The following WLS variants were observed in gnomAD, a reference collection of about 807,000 sequenced individuals.
The protein encoded by WLS is Wnt ligand secretion mediator.
Under a neutral mutation model 62.8 loss-of-function variants are expected in WLS, and 23 were observed. The ratio of observed to expected loss-of-function variants is 0.37; its 90% CI spans 0.26 to 0.52. The LOEUF (loss-of-function observed/expected upper bound fraction) is 0.52. WLS is among the 20% of genes least tolerant of loss of function. The pLI is 0.92. For synonymous variants in WLS, 246 were observed against 244.1 expected (o/e 1.01, Z -0.07); for missense variants, 615 against 697.3 (o/e 0.88, Z 1.33).
chr1:68,140,307 G>T (rs1646667590), intron 10 of WLS, among the ~76,000 whole-genome samples: 1 of 152,160 alleles, frequency 6.6e-6, no homozygotes, highest in South Asian at 2.1e-4. Context: ...AACAGGGGTT[G>T]ATCTCTGAAG....
chr1:68,166,379 C>T (rs984385763), intron 2 of WLS, among the ~76,000 whole-genome samples: 1 of 152,222 alleles, frequency 6.6e-6, no homozygotes, highest in Non-Finnish European at 1.5e-5. Context: ...CAACAGCTCT[C>T]CTTCATCAGA....
intron 10 of WLS, among the ~76,000 whole-genome samples, chr1:68,140,914 G>A (rs1009478882): frequency 4.6e-5 from 7 of 152,226 alleles, no homozygotes; most frequent in East Asian, 1.9e-4. Flanking sequence ...ATGCCAAGGC[G>A]GAGGTAACAG....
chr1:68,192,767 TTAAA>T lies in WLS; in HGVS notation c.379+1184_379+1187del, dbSNP rs377573640. Among the ~76,000 whole-genome samples the T allele has an allele frequency of 6.1e-4, 66 of 107,806 alleles. 1 individual carries two copies. Among genetic ancestry groups the T allele is most frequent in the Middle Eastern group, 4.8e-3 (1 of 208 alleles). The allele number at this position is 107,806 out of a possible 152,430, so 70.7% of individuals were successfully genotyped here. On this transcript the variant is annotated intron_variant, in intron 2 of 11. Coordinates refer to ENST00000262348, the MANE Select transcript of WLS (RefSeq NM_024911.7). ...TGGGGAACATAGGAGACTCTGTCTCTTAAAAAAAAAAAAAAAAAAACAGAAGAAG... is the reference window on the plus strand; with the variant it reads ...TGGGGAACATAGGAGACTCTGTCTCTAAAAAAAAAAAAAAAACAGAAGAAG...
At chr1:68,186,135 T>A (rs1189056992) in intron 2 of WLS, among the ~76,000 whole-genome samples, 1 of 152,184 alleles carries the variant, frequency 6.6e-6, no homozygotes, top group Non-Finnish European at 1.5e-5. Flanking sequence ...TATAATGCCA[T>A]CATTTTTCTC....
chr1:68,118,080 T>G (rs1304882692), intron 11 of WLS, among the ~76,000 whole-genome samples: 1 of 151,552 alleles, frequency 6.6e-6, no homozygotes, highest in Admixed American at 6.6e-5. Context: ...AAAGAAAAAA[T>G]GTACAGGTTG....
chr1:68,162,952 C>T, intron 2 of WLS: 1 of 1,591,262 alleles, frequency 6.3e-7, no homozygotes, highest in Non-Finnish European at 8.6e-7. Flanking sequence ...ATGGGCATCT[C>T]CACAGTGCAG....
downstream of WLS, among the ~76,000 whole-genome samples, chr1:68,120,724 G>A (rs547553256): frequency 3.1e-3 from 433 of 139,738 alleles, no homozygotes; most frequent in African/African-American, 0.011. Flanking sequence ...GTGTGCGCGC[G>A]CGCACATGTG....
chr1:68,125,213 G>T, downstream of WLS: 1 of 771,864 alleles, frequency 1.3e-6, no homozygotes, highest in Non-Finnish European at 1.6e-6. Context: ...ACACAGGACA[G>T]AAAATGTCAC....
chr1:68,181,068 C>G (rs1052748440), intron 2 of WLS, among the ~76,000 whole-genome samples: 1 of 152,190 alleles, frequency 6.6e-6, no homozygotes, highest in African/African-American at 2.4e-5. Context: ...CTGCCTTGCT[C>G]TCATTTAACT....
chr1:68,110,157 ATATG>A (rs1255962888), intron 11 of WLS, among the ~76,000 whole-genome samples: 5 of 151,898 alleles, frequency 3.3e-5, no homozygotes, highest in African/African-American at 1.2e-4. Context: ...GAAGGTATAA[ATATG>A]TATGAACAAA....
chr1:68,110,007 T>TTAA (rs1253049692), intron 11 of WLS, among the ~76,000 whole-genome samples: 2 of 28,456 alleles, frequency 7.0e-5, no homozygotes, highest in Non-Finnish European at 6.3e-5. Flanking sequence ...ACACAAAAAG[T>TTAA]AAAAAAAAAA....
chr1:68,166,790 C>T (rs2100526391), intron 2 of WLS, among the ~76,000 whole-genome samples: 1 of 152,276 alleles, frequency 6.6e-6, no homozygotes, highest in Non-Finnish European at 1.5e-5. Flanking sequence ...GTTACCATCT[C>T]CTTACTTCCC....
intron 9 of WLS, among the ~76,000 whole-genome samples, 174 bp downstream of exon 9, chr1:68,145,695 G>C (rs1485542582): frequency 6.6e-6 from 1 of 152,140 alleles, no homozygotes; most frequent in Non-Finnish European, 1.5e-5. Flanking sequence ...AGGCCAGCTA[G>C]ATGCTTCTCA....
intron 11 of WLS, among the ~76,000 whole-genome samples, chr1:68,116,629 A>G (rs1004045991): frequency 3.9e-5 from 6 of 152,232 alleles, no homozygotes; most frequent in African/African-American, 1.4e-4. Flanking sequence ...CCTACCTGGC[A>G]CATCCATAGC....
At chr1:68,228,898 T>G (rs1361064592) in intron 1 of WLS, among the ~76,000 whole-genome samples, 215 of 12,706 alleles carry the variant, frequency 0.017, 1 homozygote, top group Non-Finnish European at 0.067. Flanking sequence ...TTTTTTTTTG[T>G]TTTTTTTTTT....
chr1:68,106,712 G>T (rs1304947254), intron 11 of WLS, among the ~76,000 whole-genome samples: 1 of 141,510 alleles, frequency 7.1e-6, no homozygotes, highest in East Asian at 2.2e-4. Context: ...GCATGTGTTT[G>T]TCACTGTGTG....
At chr1:68,211,555 A>G (rs1649517848) in intron 1 of WLS, among the ~76,000 whole-genome samples, 2 of 152,236 alleles carry the variant, frequency 1.3e-5, no homozygotes, top group Non-Finnish European at 2.9e-5. Flanking sequence ...TTTCTAAGAA[A>G]GCAACTACAG....
intron 9 of WLS, 47 bp from the exon 10 acceptor site, chr1:68,144,699 C>T (rs2100448054): frequency 3.5e-6 from 5 of 1,445,716 alleles, no homozygotes; most frequent in East Asian, 2.3e-5. Flanking sequence ...GCTACCAATC[C>T]TTTTCTCACT....
chr1:68,156,840 G>T (rs1188789256), intron 3 of WLS, among the ~76,000 whole-genome samples: 3 of 152,124 alleles, frequency 2.0e-5, no homozygotes, highest in Non-Finnish European at 4.4e-5. Context: ...ACTACTAAAA[G>T]TTCACTGCAG....
Sources: gnomAD v4.1 joint callset for allele counts (sites outside exome capture counted in the v4.1 genomes callset) on GRCh38, gnomAD v4.1.1 for gene constraint, MANE v1.5 for transcripts, NCBI Gene and HGNC (gene_info 2026-07-23, HGNC 2026-07-21) for gene names.